Variants in KPNA1 observed in about 807,000 individuals in gnomAD.
The protein encoded by KPNA1 is karyopherin subunit alpha 1.
A neutral mutation model predicts 70.5 loss-of-function variants in KPNA1; 10 were observed. The observed-to-expected ratio is 0.14, with a 90% CI of 0.09 to 0.24. The LOEUF (loss-of-function observed/expected upper bound fraction) is 0.24. Among genes scored for constraint, KPNA1 ranks in the 10% least tolerant of loss-of-function variants. KPNA1 has a pLI of 1.00. For missense variants in KPNA1, 397 were observed against 637.9 expected (o/e 0.62, Z 4.07); for synonymous variants, 192 against 221.9 (o/e 0.87, Z 1.20).
In KPNA1 at chr3:122,427,115, G is replaced by C. The variant is rs1323959968; in HGVS notation, c.1487C>G (p.Ala496Gly). The C allele has an allele frequency of 6.2e-7, 1 of 1,614,028 alleles. No individual in the cohort carries two copies. The highest frequency in any genetic ancestry group is 8.5e-7 in the Non-Finnish European group (1 of 1,179,934). Reference sequence around the variant, plus strand: ...GAAGTAATGCTCAATAAGATCAAAGGCCTTTTGGTAGATCTCCTGGTTTTC... The same window carrying C: ...GAAGTAATGCTCAATAAGATCAAAGCCCTTTTGGTAGATCTCCTGGTTTTC... ...SHENQEIYQK[A>G]FDLIEHYFGT... The change falls in exon 14 of 14, where the codon GCC becomes GGC. Residue 496 changes from alanine to glycine, a missense_variant. Transcript: ENST00000344337.
intron 5 of KPNA1, among the ~76,000 whole-genome samples, 180 bp downstream of exon 5, chr3:122,461,044 A>G (rs943118335): frequency 6.6e-6 from 1 of 152,208 alleles, no homozygotes; most frequent in African/African-American, 2.4e-5. Flanking sequence ...AATAAAGAGT[A>G]TAACGAAGGC....
At chr3:122,466,513 C>T (rs1055460229) in intron 3 of KPNA1, among the ~76,000 whole-genome samples, 6 of 151,602 alleles carry the variant, frequency 4.0e-5, no homozygotes, top group African/African-American at 1.5e-4. Flanking sequence ...TTTAAAATTA[C>T]GTAATTACAA....
chr3:122,463,868 G>T, intron 4 of KPNA1, 74 bp downstream of exon 4: 1 of 646,920 alleles, frequency 1.5e-6, no homozygotes. Flanking sequence ...ATTACCTGTG[G>T]TATGAAAAAC....
chr3:122,461,748 G>A (rs570051630), intron 4 of KPNA1, among the ~76,000 whole-genome samples: 1 of 152,292 alleles, frequency 6.6e-6, no homozygotes, highest in Non-Finnish European at 1.5e-5. Context: ...TAGGCCTGCA[G>A]AATTTAATTT....
At chr3:122,460,960 C>T (rs2076317528) in intron 5 of KPNA1, among the ~76,000 whole-genome samples, 1 of 152,080 alleles carries the variant, frequency 6.6e-6, no homozygotes, top group South Asian at 2.1e-4. Context: ...GGCTCCTCTG[C>T]TGTAAACATT....
At chr3:122,432,355 T>C (rs1038959398) in intron 12 of KPNA1, 2 of 152,224 alleles carry the variant, frequency 1.3e-5, no homozygotes, top group African/African-American at 4.8e-5. Context: ...AAATAGCTAC[T>C]GCATATGTTA....
At chr3:122,480,690 T>TA (rs1460011595) in intron 2 of KPNA1, among the ~76,000 whole-genome samples, 1 of 151,892 alleles carries the variant, frequency 6.6e-6, no homozygotes, top group Non-Finnish European at 1.5e-5. Context: ...AAAAGTATTT[T>TA]AAAAAAACCA....
intron 9 of KPNA1, chr3:122,443,253 G>A (rs1177717765): frequency 6.6e-6 from 1 of 152,406 alleles, no homozygotes; most frequent in African/African-American, 2.4e-5. Flanking sequence ...GCGGGGGGAG[G>A]GGCGTCTGCC....
chr3:122,452,075 ATCAT>A lies in KPNA1; in HGVS notation c.565-15_565-12del. 6.4e-7 allele frequency: 1 copy of A among 1,559,530 alleles called. No homozygotes were observed. The highest frequency in any genetic ancestry group is 8.8e-7 in the Non-Finnish European group (1 of 1,131,108). ...AAGAGCCCAGACTGCCTGTGAAAGA[ATCAT>A]TCATTAATAAAGGTTACATAGTTTA... On this transcript the variant is annotated splice_polypyrimidine_tract_variant and intron_variant, in intron 6 of 13. Transcript: ENST00000344337.
At chr3:122,473,350 G>C (rs1437833682) in intron 2 of KPNA1, among the ~76,000 whole-genome samples, 1 of 152,180 alleles carries the variant, frequency 6.6e-6, no homozygotes, top group Non-Finnish European at 1.5e-5. Flanking sequence ...GATAGAAGCA[G>C]AAGGAATACT....
intron 9 of KPNA1, among the ~76,000 whole-genome samples, chr3:122,445,798 T>C (rs556703094): frequency 2.0e-4 from 30 of 152,068 alleles, no homozygotes; most frequent in African/African-American, 6.3e-4. Flanking sequence ...GAGACACACA[T>C]AGGCTCAAAA....
intron 1 of KPNA1, chr3:122,496,772 T>C (rs1322684407): frequency 1.8e-5 from 7 of 378,964 alleles, no homozygotes; most frequent in South Asian, 4.3e-5. Context: ...GGTGCAATCA[T>C]AGCTCACTGT....
At chr3:122,451,692 T>C in intron 7 of KPNA1, 59 bp from the exon 8 acceptor site, 1 of 1,044,162 alleles carries the variant, frequency 9.6e-7, no homozygotes, top group Non-Finnish European at 1.5e-6. Flanking sequence ...TCTGATGACA[T>C]AAATACTAAA....
At chr3:122,473,505 A>G (rs2076465534) in intron 2 of KPNA1, among the ~76,000 whole-genome samples, 1 of 152,246 alleles carries the variant, frequency 6.6e-6, no homozygotes, top group Admixed American at 6.5e-5. Context: ...CCAACAATGT[A>G]TAAAACGAAT....
rs187011946 is a variant in KPNA1 at position 122,422,984 on chromosome 3, T to C, written c.*4001A>G. 6.6e-6 allele frequency: 1 copy of C among 152,360 alleles called. No homozygotes were observed. Among genetic ancestry groups the C allele is most frequent in the East Asian group, 1.9e-4 (1 of 5,192 alleles). 9.4% of individuals were successfully genotyped at this position (152,360 alleles called of 1,614,324 possible). Reference sequence around the variant, plus strand: ...TTGATATTTTAAATTAGCATATAAATATTTGCTTTATCAGATATTCTGATG... The same window carrying C: ...TTGATATTTTAAATTAGCATATAAACATTTGCTTTATCAGATATTCTGATG... On this transcript the variant is annotated 3_prime_UTR_variant, in exon 14 of 14. Transcript: ENST00000344337.
intron 1 of KPNA1, among the ~76,000 whole-genome samples, chr3:122,512,663 T>C (rs2076968169): frequency 6.6e-6 from 1 of 152,136 alleles, no homozygotes; most frequent in Non-Finnish European, 1.5e-5. Context: ...AGGCAGAGGC[T>C]GCAGTAAGCC....
rs1343782213 is a variant in KPNA1 at position 122,427,108 on chromosome 3, A to C, written c.1494T>G (p.Asp498Glu). The C allele has an allele frequency of 6.2e-7, 1 of 1,614,106 alleles. No individual in the cohort carries two copies. The highest frequency in any genetic ancestry group is 8.5e-7 in the Non-Finnish European group (1 of 1,179,988). ...ENQEIYQKAF[D>E]LIEHYFGTED... ...CGGTCCCGAAGTAATGCTCAATAAG[A>C]TCAAAGGCCTTTTGGTAGATCTCCT... The change falls in exon 14 of 14, where the codon GAT becomes GAG. Residue 498 changes from aspartate to glutamate, a missense_variant. Transcript: ENST00000344337.
At chr3:122,448,649 G>A (rs1458597651) in intron 9 of KPNA1, among the ~76,000 whole-genome samples, 4 of 151,806 alleles carry the variant, frequency 2.6e-5, no homozygotes, top group Non-Finnish European at 4.4e-5. Flanking sequence ...TGTAAATGAC[G>A]AGTTAATTGG....
intron 5 of KPNA1, among the ~76,000 whole-genome samples, chr3:122,456,080 C>T (rs1028554718): frequency 3.1e-4 from 47 of 152,160 alleles, no homozygotes; most frequent in Admixed American, 9.2e-4. Flanking sequence ...TTTCCTGAAA[C>T]ATAATGCTGA....
Sources: gnomAD v4.1 joint callset for allele counts (sites outside exome capture counted in the v4.1 genomes callset) on GRCh38, gnomAD v4.1.1 for gene constraint, MANE v1.5 for transcripts, NCBI Gene and HGNC (gene_info 2026-07-23, HGNC 2026-07-21) for gene names.